The following TRAF3 variants were observed in gnomAD, a reference collection of about 807,000 sequenced individuals.
TRAF3 encodes TNF receptor associated factor 3.
Under a neutral mutation model 62.3 loss-of-function variants are expected in TRAF3, and 13 were observed. The ratio of observed to expected loss-of-function variants is 0.21; its 90% CI spans 0.14 to 0.33. The LOEUF is 0.33. TRAF3 is among the 10% of genes least tolerant of loss of function. The pLI is 1.00. For synonymous variants in TRAF3, 269 were observed against 283.4 expected (o/e 0.95, Z 0.51); for missense variants, 440 against 741.8 (o/e 0.59, Z 4.73).
intron 2 of TRAF3, among the ~76,000 whole-genome samples, chr14:102,861,362 C>T (rs1887667020): frequency 6.6e-6 from 1 of 152,140 alleles, no homozygotes; most frequent in South Asian, 2.1e-4. Flanking sequence ...GGCCTCCAAC[C>T]CCCTAAATTT....
At chr14:102,781,377 AG>A (rs368501831) in intron 1 of TRAF3, among the ~76,000 whole-genome samples, 209 of 152,272 alleles carry the variant, frequency 1.4e-3, no homozygotes, top group African/African-American at 4.8e-3. Context: ...TGTACTGTGA[AG>A]GGCATGGTCT....
intron 4 of TRAF3, among the ~76,000 whole-genome samples, chr14:102,872,271 A>C (rs1239659501): frequency 6.6e-6 from 1 of 152,202 alleles, no homozygotes; most frequent in Non-Finnish European, 1.5e-5. Flanking sequence ...GATGTGAGCA[A>C]AGTGCTGAGA....
intron 1 of TRAF3, among the ~76,000 whole-genome samples, chr14:102,803,207 G>A (rs537359534): frequency 6.6e-6 from 1 of 152,342 alleles, no homozygotes; most frequent in South Asian, 2.1e-4. Flanking sequence ...CTCCTGGCAG[G>A]CTTTTTATAG....
At chr14:102,788,045 G>T (rs1038753970) in intron 1 of TRAF3, among the ~76,000 whole-genome samples, 15 of 151,306 alleles carry the variant, frequency 9.9e-5, no homozygotes, top group African/African-American at 3.6e-4. Flanking sequence ...GTAGAGACAG[G>T]GTTTCACCAT....
At chr14:102,808,111 A>G (rs1359745992) in intron 1 of TRAF3, among the ~76,000 whole-genome samples, 1 of 152,196 alleles carries the variant, frequency 6.6e-6, no homozygotes, top group Non-Finnish European at 1.5e-5. Flanking sequence ...TTGGATGGAC[A>G]GGAAGTGGGA....
intron 1 of TRAF3, among the ~76,000 whole-genome samples, chr14:102,815,354 GT>G (rs1252086468): frequency 6.6e-6 from 1 of 151,946 alleles, no homozygotes; most frequent in Non-Finnish European, 1.5e-5. Context: ...GTATGTGTTG[GT>G]TTTTTATTTT....
At chr14:102,899,205 C>A (rs1890153710) in intron 10 of TRAF3, among the ~76,000 whole-genome samples, 1 of 152,190 alleles carries the variant, frequency 6.6e-6, no homozygotes, top group South Asian at 2.1e-4. Flanking sequence ...ACCTTTGGGA[C>A]CACTGTGGGG....
chr14:102,863,020 T>C (rs1211815452), intron 2 of TRAF3, among the ~76,000 whole-genome samples: 3 of 152,180 alleles, frequency 2.0e-5, no homozygotes, highest in African/African-American at 2.4e-5. Context: ...ATGGATCTTG[T>C]AGATTTTTGA....
chr14:102,857,037 A>G (rs1049502351), intron 2 of TRAF3, among the ~76,000 whole-genome samples: 1 of 152,234 alleles, frequency 6.6e-6, no homozygotes, highest in Non-Finnish European at 1.5e-5. Flanking sequence ...AGTAAAGTAG[A>G]ATAACTAAAA....
intron 2 of TRAF3, among the ~76,000 whole-genome samples, chr14:102,846,791 G>T (rs1347006018): frequency 6.6e-6 from 1 of 152,140 alleles, no homozygotes. Context: ...ACTCCAGCCT[G>T]GGTGACAGAG....
intron 2 of TRAF3, among the ~76,000 whole-genome samples, chr14:102,832,155 A>G (rs10151871): frequency 0.03 from 4,562 of 152,268 alleles, 228 homozygotes; most frequent in African/African-American, 0.1. Flanking sequence ...ATTTTGAAGT[A>G]TATATATTAT....
chr14:102,883,758 A>C (rs1889203096), intron 6 of TRAF3, among the ~76,000 whole-genome samples: 1 of 151,930 alleles, frequency 6.6e-6, no homozygotes, highest in East Asian at 1.9e-4. Context: ...GCTGATTTTT[A>C]TATTTTCAGT....
intron 6 of TRAF3, among the ~76,000 whole-genome samples, chr14:102,882,386 C>T (rs775581006): frequency 2.0e-5 from 3 of 152,118 alleles, no homozygotes; most frequent in Non-Finnish European, 2.9e-5. Flanking sequence ...TCAGGGCCTG[C>T]AGACATTTCA....
At chr14:102,865,568 C>T (rs1438249708) in intron 2 of TRAF3, among the ~76,000 whole-genome samples, 10 of 148,836 alleles carry the variant, frequency 6.7e-5, no homozygotes, top group South Asian at 2.1e-4. Context: ...GGCACGATCT[C>T]GGGTCACTGA....
intron 6 of TRAF3, 175 bp downstream of exon 6, chr14:102,876,700 C>A: frequency 1.2e-6 from 1 of 835,230 alleles, no homozygotes; most frequent in Non-Finnish European, 1.9e-6. Context: ...AGGCCTTCCG[C>A]TCAATTCATA....
chr14:102,790,682 A>G (rs375311094), intron 1 of TRAF3, among the ~76,000 whole-genome samples: 1 of 152,082 alleles, frequency 6.6e-6, no homozygotes, highest in Non-Finnish European at 1.5e-5. Context: ...TTCCCATAAC[A>G]TGTGGGGATT....
In TRAF3 at chr14:102,838,796, T is replaced by C. The variant is rs1047797061; in HGVS notation, c.-18+8324T>C. ...CAGCAGATGTAAAGGGAAGTGTGTA[T>C]TGGAGGGGGTATGTTGTGAATTTGA... On this transcript the variant is annotated intron_variant, in intron 2 of 11. Transcript: ENST00000392745. Among the ~76,000 whole-genome samples, 3 of 152,242 alleles carry C rather than the reference T, an allele frequency of 2.0e-5. 1 individual carries two copies. The highest frequency in any genetic ancestry group is 3.4e-3 in the Middle Eastern group (1 of 294).
intron 7 of TRAF3, among the ~76,000 whole-genome samples, chr14:102,886,656 C>T (rs762263652): frequency 4.6e-5 from 7 of 151,760 alleles, no homozygotes; most frequent in Non-Finnish European, 1.0e-4. Flanking sequence ...TTCAGGAGGC[C>T]GAGGCAGGAG....
At chr14:102,828,138 C>CT in intron 1 of TRAF3, among the ~76,000 whole-genome samples, 1 of 152,394 alleles carries the variant, frequency 6.6e-6, no homozygotes, top group Non-Finnish European at 1.5e-5. Flanking sequence ...GGTAGGAAAT[C>CT]TAGAAGAAGC....
Sources: gnomAD v4.1 joint callset for allele counts (sites outside exome capture counted in the v4.1 genomes callset) on GRCh38, gnomAD v4.1.1 for gene constraint, MANE v1.5 for transcripts, NCBI Gene and HGNC (gene_info 2026-07-23, HGNC 2026-07-21) for gene names.